The following STX2 variants were observed in gnomAD, a reference collection of about 807,000 sequenced individuals.
STX2 encodes syntaxin 2.
In STX2, 27 loss-of-function variants were observed where a neutral mutation model predicts 40.6. The ratio of observed to expected loss-of-function variants is 0.66; its 90% confidence interval spans 0.49 to 0.92. The LOEUF is 0.92. STX2 is among the 40% of genes least tolerant of loss of function. The pLI, the probability that STX2 is intolerant of heterozygous loss-of-function variation, is 0.00. For synonymous variants in STX2, 123 were observed against 119.1 expected (o/e 1.03, Z -0.22); for missense variants, 328 against 366.1 (o/e 0.90, Z 0.85).
chr12:130,795,151 T>C (rs1950989461), intron 10 of STX2, among the ~76,000 whole-genome samples: 1 of 152,212 alleles, frequency 6.6e-6, no homozygotes, highest in East Asian at 1.9e-4. Context: ...CTAAATATAA[T>C]ACGTAATTTT....
At chr12:130,828,448 C>A (rs1287411072) in intron 1 of STX2, among the ~76,000 whole-genome samples, 1 of 140,302 alleles carries the variant, frequency 7.1e-6, no homozygotes, top group Non-Finnish European at 1.5e-5. Context: ...CCATGTTGGC[C>A]AGGCTGGTTT....
At chr12:130,809,719 A>G (rs1339807018) in intron 4 of STX2, among the ~76,000 whole-genome samples, 1 of 152,212 alleles carries the variant, frequency 6.6e-6, no homozygotes, top group African/African-American at 2.4e-5. Context: ...CGGGAGGCTG[A>G]GGCAGGAGAA....
chr12:130,833,700 C>T (rs1192927606), intron 1 of STX2, among the ~76,000 whole-genome samples: 1 of 152,104 alleles, frequency 6.6e-6, no homozygotes, highest in Non-Finnish European at 1.5e-5. Context: ...CGTGAGCCAC[C>T]CCACCCAGCC....
chr12:130,829,484 G>A (rs1422457982), intron 1 of STX2, among the ~76,000 whole-genome samples: 1 of 151,020 alleles, frequency 6.6e-6, no homozygotes, highest in Non-Finnish European at 1.5e-5. Flanking sequence ...GGGGAAGATG[G>A]GATGCGGGGA....
chr12:130,804,472 C>A (rs1468103444), intron 6 of STX2, among the ~76,000 whole-genome samples: 1 of 152,170 alleles, frequency 6.6e-6, no homozygotes, highest in African/African-American at 2.4e-5. Context: ...TCCAGCCTGA[C>A]CAGTGGTCCC....
At chr12:130,801,089 G>T (rs1353990780) in intron 8 of STX2, 64 bp downstream of exon 8, 4 of 1,535,720 alleles carry the variant, frequency 2.6e-6, no homozygotes, top group Admixed American at 1.9e-5. Flanking sequence ...AGACAGAGTG[G>T]GATGCAGTAA....
intron 5 of STX2, 53 bp downstream of exon 5, chr12:130,808,577 TA>T: frequency 6.7e-7 from 1 of 1,487,260 alleles, no homozygotes; most frequent in Non-Finnish European, 9.2e-7. Flanking sequence ...AAGAAGAAAG[TA>T]AAAACACTTA....
chr12:130,813,789 CCAGAA>C (rs1035657551), intron 3 of STX2, among the ~76,000 whole-genome samples: 3 of 97,710 alleles, frequency 3.1e-5, no homozygotes, highest in South Asian at 9.8e-4. Context: ...GCTGAAGTGA[CCAGAA>C]GGGAAGGGGG....
At chr12:130,827,087 G>GGGGAGGGGAGGAAAGGGAGA in intron 2 of STX2, 106 bp downstream of exon 2, 1 of 582,372 alleles carries the variant, frequency 1.7e-6, no homozygotes, top group Non-Finnish European at 3.1e-6. Flanking sequence ...GGGGTGGGGA[G>GGGGAGGGGAGGAAAGGGAGA]GGGAGGGGAG....
intron 6 of STX2, among the ~76,000 whole-genome samples, chr12:130,802,739 T>G (rs1951280554): frequency 6.6e-6 from 1 of 152,122 alleles, no homozygotes; most frequent in Non-Finnish European, 1.5e-5. Context: ...CAAGCGATCC[T>G]TCCACCTTGG....
chr12:130,813,114 G>T (rs1046096904), intron 3 of STX2, 83 bp from the exon 4 acceptor site: 2 of 851,816 alleles, frequency 2.3e-6, no homozygotes, highest in South Asian at 5.2e-5. Context: ...AAATTTAAGT[G>T]AAACAGTATC....
At chr12:130,813,834 A>C (rs1167537754) in intron 3 of STX2, among the ~76,000 whole-genome samples, 11 of 152,202 alleles carry the variant, frequency 7.2e-5, no homozygotes, top group Non-Finnish European at 7.3e-5. Context: ...GAAGTTGCTG[A>C]AACAGGAAGG....
chr12:130,827,058 AAAGG>A, intron 2 of STX2, 131 bp downstream of exon 2: 1 of 564,684 alleles, frequency 1.8e-6, no homozygotes, highest in South Asian at 2.1e-5. Flanking sequence ...AGGGAGGAAG[AAAGG>A]AAGGGAGGGA....
At chr12:130,837,234 T>G (rs534770260) in intron 1 of STX2, among the ~76,000 whole-genome samples, 1 of 151,922 alleles carries the variant, frequency 6.6e-6, no homozygotes, top group African/African-American at 2.4e-5. Flanking sequence ...TAGCTTAGCC[T>G]CCTGAGTACC....
intron 6 of STX2, among the ~76,000 whole-genome samples, chr12:130,805,344 G>A (rs79814859): frequency 3.3e-5 from 5 of 152,296 alleles, no homozygotes; most frequent in African/African-American, 1.2e-4. Context: ...AAACAAGCCA[G>A]GTGAGCCTGC....
chr12:130,806,834 C>T (rs560487270), intron 6 of STX2, 148 bp downstream of exon 6: 17 of 695,374 alleles, frequency 2.4e-5, no homozygotes, highest in African/African-American at 1.1e-4. Flanking sequence ...GCCTGACTCA[C>T]GGCATAGGAA....
intron 2 of STX2, 109 bp downstream of exon 2, chr12:130,827,084 G>A (rs112850087): frequency 0.66 from 364,213 of 554,384 alleles, 122,997 homozygotes; most frequent in East Asian, 0.88. Context: ...GGAGGGGTGG[G>A]GAGGGGAGGG....
intron 1 of STX2, among the ~76,000 whole-genome samples, chr12:130,838,123 G>A (rs935757298): frequency 6.6e-6 from 1 of 152,156 alleles, no homozygotes; most frequent in African/African-American, 2.4e-5. Context: ...CCTGTTCTGA[G>A]GCTGCCAACA....
In STX2 at chr12:130,821,559, C is replaced by T. The variant is rs566086193; in HGVS notation, c.205+130G>A. The T allele has an allele frequency of 4.0e-6, 3 of 752,138 alleles. No homozygotes were observed. In the East Asian group the frequency reaches 7.7e-5, roughly 19 times the overall value. The allele number at this position is 752,138 out of a possible 1,614,324, so 46.6% of individuals were successfully genotyped here. On this transcript the variant is annotated intron_variant, in intron 3 of 10. Transcript: ENST00000392373. ...CGCCCCAGGCCAAACGCCTCAGACT[C>T]TCTAGGGTGTCAGCATTTCATACAA...
Sources: allele counts gnomAD v4.1 joint callset (sites outside exome capture counted in the v4.1 genomes callset), GRCh38; gene constraint gnomAD v4.1.1; transcripts MANE v1.5; gene names NCBI Gene and HGNC (gene_info 2026-07-23, HGNC 2026-07-21).